The following C12orf76 variants were observed in gnomAD, a reference collection of about 807,000 sequenced individuals.
C12orf76 encodes the protein chromosome 12 open reading frame 76.
Under a neutral mutation model 6.8 loss-of-function variants are expected in C12orf76, and 6 were observed. The observed-to-expected ratio is 0.88, with a 90% CI of 0.48 to 1.73. C12orf76 has a LOEUF of 1.73. C12orf76 is among the 40% of genes most tolerant of loss of function. C12orf76 has a pLI of 0.01. For missense variants in C12orf76, 99 were observed against 98.2 expected, an observed-to-expected ratio of 1.01 and a Z score of -0.03; for synonymous variants, 56 against 43.7, an observed-to-expected ratio of 1.28 and a Z score of -1.11.
chr12:110,042,506 G>T, intron 1 of C12orf76, 47 bp from the exon 2 acceptor site: 1 of 1,261,732 alleles, frequency 7.9e-7, no homozygotes, highest in Non-Finnish European at 1.2e-6. Context: ...TCCAGGTTAG[G>T]CAATTCATCC....
intron 3 of C12orf76, among the ~76,000 whole-genome samples, chr12:110,057,959 G>A (rs1892700336): frequency 6.6e-6 from 1 of 151,080 alleles, no homozygotes; most frequent in African/African-American, 2.4e-5. Flanking sequence ...AGCTACTCGG[G>A]AGGCTGAGGT....
chr12:110,046,701 A>G (rs1456034790), intron 1 of C12orf76, among the ~76,000 whole-genome samples: 2 of 152,180 alleles, frequency 1.3e-5, no homozygotes, highest in Non-Finnish European at 2.9e-5. Context: ...TGCAGATAAC[A>G]TAGTTTGCAG....
upstream of C12orf76, among the ~76,000 whole-genome samples, chr12:110,070,474 G>A (rs915004430): frequency 5.9e-5 from 9 of 152,042 alleles, no homozygotes; most frequent in Non-Finnish European, 1.0e-4. Context: ...GATGAGGCAG[G>A]AGGATCACAT....
intron 1 of C12orf76, chr12:110,067,415 T>C (rs1467577053): frequency 5.1e-6 from 5 of 985,400 alleles, no homozygotes; most frequent in Non-Finnish European, 6.0e-6. Context: ...ACTAGAGAAG[T>C]AGACTTCAGA....
intron 1 of C12orf76, chr12:110,067,449 G>C: frequency 1.0e-6 from 1 of 985,380 alleles, no homozygotes. Flanking sequence ...TCTGGCTTTT[G>C]GGAAGACCTT....
intron 1 of C12orf76, among the ~76,000 whole-genome samples, chr12:110,067,209 G>C (rs1892882978): frequency 6.6e-6 from 1 of 152,178 alleles, no homozygotes; most frequent in South Asian, 2.1e-4. Flanking sequence ...ATCGTAAGCG[G>C]CTTGGTTTAA....
At chr12:110,050,971 G>A (rs1446186594), upstream of C12orf76, 3 of 740,534 alleles carry the variant, frequency 4.1e-6, no homozygotes, top group Middle Eastern at 2.3e-4. Flanking sequence ...AAGTGTTGGG[G>A]TCCGTTAACA....
At chr12:110,046,961 G>A (rs984872319) in intron 1 of C12orf76, among the ~76,000 whole-genome samples, 22 of 152,082 alleles carry the variant, frequency 1.4e-4, no homozygotes, top group African/African-American at 5.3e-4. Context: ...TAATATCCAG[G>A]TTGAGAAACC....
chr12:110,058,710 G>T (rs920216671), intron 3 of C12orf76, among the ~76,000 whole-genome samples: 1 of 152,140 alleles, frequency 6.6e-6, no homozygotes, highest in African/African-American at 2.4e-5. Context: ...CATTTTGTAG[G>T]CCATAGCTAT....
At chr12:110,055,494 A>G (rs1483010736) in intron 4 of C12orf76, among the ~76,000 whole-genome samples, 4 of 152,212 alleles carry the variant, frequency 2.6e-5, no homozygotes, top group Non-Finnish European at 4.4e-5. Flanking sequence ...GGCGTGAGTC[A>G]CCGTGCCTGG....
upstream of C12orf76, among the ~76,000 whole-genome samples, chr12:110,052,687 T>C (rs1407424736): frequency 6.6e-6 from 1 of 152,236 alleles, no homozygotes; most frequent in Non-Finnish European, 1.5e-5. Flanking sequence ...CCCTTCTTTC[T>C]GCCCAGCTGC....
chr12:110,073,357 C>A, intron 1 of C12orf76: 1 of 496,128 alleles, frequency 2.0e-6, no homozygotes. Context: ...CTGAAGCTGC[C>A]CCCTGGGGCT....
In C12orf76 at chr12:110,054,784, T is replaced by C. The variant is rs974065836; in HGVS notation, n.664+2405A>G. Among the ~76,000 whole-genome samples the C allele has an allele frequency of 1.9e-4, 29 of 152,354 alleles. No homozygotes were observed. The highest frequency in any genetic ancestry group is 6.7e-4 in the African/African-American group (28 of 41,584). The stretch of plus-strand genomic sequence containing the variant: ...AGAAATATAAAAACAAACAAGGGAA[T>C]GACAAATGTCAAATTCAGGATTTCG... On this transcript the variant is annotated intron_variant and non_coding_transcript_variant, in intron 4 of 4. Coordinates refer to the C12orf76 transcript ENST00000309050. This position sits in a 1 kb window ranked among gnomAD's most constrained non-coding sequence, Gnocchi z 4.4.
At chr12:110,068,250 G>GAAGAAGAAGAAGAAGAAGAA (rs1892902896), upstream of C12orf76, among the ~76,000 whole-genome samples, 65 of 26,548 alleles carry the variant, frequency 2.4e-3, 1 homozygote, top group African/African-American at 0.011. Flanking sequence ...GAAGAAGAAA[G>GAAGAAGAAGAAGAAGAAGAA]AAGAAGAAGA....
At chr12:110,058,987 C>A (rs1160852196) in intron 3 of C12orf76, 9 of 1,542,474 alleles carry the variant, frequency 5.8e-6, no homozygotes, top group Non-Finnish European at 7.9e-6. Flanking sequence ...GCTAGTATTA[C>A]CTCCACCTAA....
intron 1 of C12orf76, 163 bp from the exon 2 acceptor site, chr12:110,042,622 G>T (rs1195703613): frequency 7.1e-6 from 5 of 704,748 alleles, no homozygotes; most frequent in Non-Finnish European, 1.3e-5. Context: ...TCTAAATATA[G>T]TTGGGGGAGA....
rs190421235 is a variant in C12orf76 at position 110,043,320 on chromosome 12, G to A, written c.134-861C>T. ...AGAAAACACGGATTTTAAGTTTAAA[G>A]AGAAGCCACTAGGGGGCTGTAGGCA... On this transcript the variant is annotated intron_variant, in intron 1 of 1. Transcript: ENST00000615315. 3.1e-3 allele frequency among the ~76,000 whole-genome samples: 471 copies of A among 151,612 alleles called. 1 individual carries two copies. The highest frequency in any genetic ancestry group is 5.4e-3 in the Non-Finnish European group (369 of 67,930).
chr12:110,072,314 G>C (rs1892969003), upstream of C12orf76, among the ~76,000 whole-genome samples: 1 of 151,706 alleles, frequency 6.6e-6, no homozygotes, highest in African/African-American at 2.4e-5. Context: ...GCTACAACAT[G>C]GATGAGCACC....
intron 1 of C12orf76, chr12:110,066,158 G>A: frequency 7.8e-7 from 1 of 1,284,254 alleles, no homozygotes. Flanking sequence ...GATCACTTGA[G>A]GCCAGGAGTT....
Sources: allele counts gnomAD v4.1 joint callset (sites outside exome capture counted in the v4.1 genomes callset), GRCh38; gene constraint gnomAD v4.1.1; non-coding constraint Gnocchi (gnomAD v3.1); transcripts MANE v1.5; gene names NCBI Gene and HGNC (gene_info 2026-07-23, HGNC 2026-07-21).